PDIA5: variants seen among roughly 807,000 people sequenced by gnomAD.
The protein encoded by PDIA5 is protein disulfide-isomerase A5.
A neutral mutation model predicts 77.6 loss-of-function variants in PDIA5; 58 were observed. The observed-to-expected ratio is 0.75, with a 90% CI of 0.61 to 0.93. The LOEUF (loss-of-function observed/expected upper bound fraction) is 0.93, where lower values mean the gene tolerates loss of function less well. PDIA5 is among the 40% of genes least tolerant of loss of function. The pLI, the probability that PDIA5 is intolerant of heterozygous loss-of-function variation, is 0.00. For synonymous variants in PDIA5, 250 were observed against 252.1 expected (o/e 0.99, Z 0.08); for missense variants, 630 against 647.7 (o/e 0.97, Z 0.30).
At position 123,092,370 on chromosome 3, in the gene PDIA5, A is replaced by G. The variant is rs764524403; in HGVS notation, c.185A>G (p.Asn62Ser). The G allele has an allele frequency of 5.0e-6, 8 of 1,613,814 alleles. No homozygotes were observed. The South Asian group carries it at 8.8e-5, about 18-fold the overall frequency. ...TTTTTTACAGAGGTGGCAGCTGAAA[A>G]TCATCTCAGGTTACTGTCCACAGTG... is the stretch of plus-strand genomic sequence containing the variant. Reference protein sequence around the residue: ...LYSKSEVAAENHLRLLSTVAQ... With the variant: ...LYSKSEVAAESHLRLLSTVAQ... The change falls in exon 3 of 17, where the codon AAT becomes AGT. Residue 62 changes from asparagine (N) to serine (S), a missense_variant. Asn to Ser is a conservative substitution (Grantham distance 46). Transcript: ENST00000316218.
At chr3:123,086,585 G>C (rs1421268029) in intron 1 of PDIA5, among the ~76,000 whole-genome samples, 1 of 152,176 alleles carries the variant, frequency 6.6e-6, no homozygotes, top group African/African-American at 2.4e-5. Flanking sequence ...AATAAGCTAT[G>C]GTTGCCCCTT....
chr3:123,092,299 G>C, intron 2 of PDIA5, 56 bp from the exon 3 acceptor site: 4 of 1,406,640 alleles, frequency 2.8e-6, no homozygotes, highest in Non-Finnish European at 4.0e-6. Context: ...GAAGATAGCA[G>C]ACATGACCCA....
rs1489164428 is a variant in PDIA5 at position 123,145,573 on chromosome 3, C to T, written c.962C>T (p.Ala321Val). 1.2e-6 allele frequency: 2 copies of T among 1,613,368 alleles called. No individual in the cohort carries two copies. The highest frequency in any genetic ancestry group is 1.7e-6 in the Non-Finnish European group (2 of 1,179,430). Residue 321 changes from alanine to valine, a missense_variant, in exon 12 of 17, where the codon GCC (alanine) becomes GTC (valine). Ala to Val is a moderately conservative substitution (Grantham distance 64, BLOSUM62 0). Coordinates refer to ENST00000316218, the MANE Select transcript of PDIA5 (RefSeq NM_006810.4). ...MKPEFEKAAE[A>V]LHGEADSSGV... ...CCGGAGTTTGAGAAGGCAGCAGAAGCCCTCCATGGAGAAGCGGATGTAAGC... is the reference window on the plus strand; with the variant it reads ...CCGGAGTTTGAGAAGGCAGCAGAAGTCCTCCATGGAGAAGCGGATGTAAGC...
chr3:123,068,870 C>T (rs969176068), intron 1 of PDIA5, among the ~76,000 whole-genome samples: 33 of 152,268 alleles, frequency 2.2e-4, no homozygotes, highest in Middle Eastern at 3.4e-3. Flanking sequence ...TTCACTGAAC[C>T]GGAGCCATAC....
Position 123,145,748 on chromosome 3 carries a change from T to C in PDIA5, c.981+156T>C, listed in dbSNP as rs111893849. Reference sequence around the variant, plus strand: ...GCCCAAGTAGAACATCTTAGACAGATGGGATCCTAGAGGGGGCAGAAAGAC... The same window carrying C: ...GCCCAAGTAGAACATCTTAGACAGACGGGATCCTAGAGGGGGCAGAAAGAC... On this transcript the variant is annotated intron_variant, in intron 12 of 16. Coordinates refer to ENST00000316218, the MANE Select transcript of PDIA5 (RefSeq NM_006810.4). 4.9e-3 allele frequency among the ~76,000 whole-genome samples: 735 copies of C among 149,862 alleles called. 7 individuals carry two copies. Among genetic ancestry groups the C allele is most frequent in the African/African-American group, 0.017 (701 of 40,876 alleles).
chr3:123,135,745 C>CTTTTTTTTTTTTTT (rs766560888), intron 11 of PDIA5, among the ~76,000 whole-genome samples: 5 of 80,462 alleles, frequency 6.2e-5, no homozygotes, highest in Non-Finnish European at 8.8e-5. Flanking sequence ...GAGGTAACAA[C>CTTTTTTTTTTTTTT]TTTTTTTTTT....
intron 13 of PDIA5, among the ~76,000 whole-genome samples, chr3:123,148,339 A>G (rs1474482472): frequency 2.0e-5 from 3 of 152,134 alleles, no homozygotes; most frequent in South Asian, 2.1e-4. Context: ...AAGTAGAGGC[A>G]GGAGGATCTC....
At chr3:123,136,745 A>AG (rs1935513897) in intron 11 of PDIA5, among the ~76,000 whole-genome samples, 1 of 151,610 alleles carries the variant, frequency 6.6e-6, no homozygotes, top group Non-Finnish European at 1.5e-5. Context: ...AAAAAAAAAA[A>AG]AAAAGGGGGT....
intron 5 of PDIA5, among the ~76,000 whole-genome samples, chr3:123,106,259 G>A (rs1487600286): frequency 1.3e-5 from 2 of 152,180 alleles, no homozygotes; most frequent in Non-Finnish European, 2.9e-5. Flanking sequence ...TACCAAGCAG[G>A]TCATAAGTAG....
rs112436641 is a variant in PDIA5 at position 123,102,611 on chromosome 3, G to T, written c.341+117G>T. 4.0e-5 allele frequency: 42 copies of T among 1,053,368 alleles called. No homozygotes were observed. In the African/African-American group the frequency reaches 4.3e-4, roughly 11 times the overall value. The allele number at this position is 1,053,368 out of a possible 1,614,324, so 65.3% of individuals were successfully genotyped here. On this transcript the variant is annotated intron_variant, in intron 4 of 16. Transcript: ENST00000316218. ...TTTATTTCAGAATGGTTTTCTTCCT[G>T]TGTTTACAATTATTTCTTTTAAAAA...
intron 8 of PDIA5, among the ~76,000 whole-genome samples, chr3:123,119,541 T>C (rs2107951652): frequency 6.6e-6 from 1 of 152,286 alleles, no homozygotes; most frequent in South Asian, 2.1e-4. Context: ...CCCAGCTACA[T>C]AAAGAGGGAA....
At chr3:123,073,032 C>T (rs549587732) in intron 1 of PDIA5, among the ~76,000 whole-genome samples, 1 of 152,270 alleles carries the variant, frequency 6.6e-6, no homozygotes, top group Non-Finnish European at 1.5e-5. Context: ...TGGGCTGGCC[C>T]ATTCCTTCTG....
rs899296312 is a variant in PDIA5, at chr3:123,124,143, C to A, written c.687C>A (p.Thr229=). 2.5e-6 allele frequency: 4 copies of A among 1,613,222 alleles called. No individual in the cohort carries two copies. Among genetic ancestry groups the A allele is most frequent in the African/African-American group, 2.7e-5 (2 of 74,884 alleles). The part of the protein sequence containing the change: ...KEEYSVRGFP[T]ICYFEKGRFL... Reference sequence around the variant, plus strand: ...AGTACAGCGTGCGCGGCTTCCCCACCATCTGCTATTTTGAGTACGTCCCCC... The same window carrying A: ...AGTACAGCGTGCGCGGCTTCCCCACAATCTGCTATTTTGAGTACGTCCCCC... The change falls in exon 9 of 17, where the codon ACC becomes ACA. Residue 229 remains threonine, a synonymous_variant. Transcript: ENST00000316218.
chr3:123,140,563 G>A (rs1312603674), intron 11 of PDIA5, among the ~76,000 whole-genome samples: 3 of 152,116 alleles, frequency 2.0e-5, no homozygotes, highest in African/African-American at 7.2e-5. Context: ...AACAAAGGTA[G>A]GATTGCGAGG....
intron 11 of PDIA5, among the ~76,000 whole-genome samples, chr3:123,134,252 C>T (rs1204772548): frequency 6.6e-6 from 1 of 152,104 alleles, no homozygotes; most frequent in African/African-American, 2.4e-5. Context: ...TGCTTTGTTG[C>T]TTCTATGCCT....
chr3:123,161,529 C>T, intron 16 of PDIA5, 74 bp downstream of exon 16: 1 of 1,461,858 alleles, frequency 6.8e-7, no homozygotes, highest in Non-Finnish European at 9.3e-7. Flanking sequence ...TGAGGAGGGG[C>T]AGCACTGGGC....
At chr3:123,069,068 C>T (rs1231982087) in intron 1 of PDIA5, among the ~76,000 whole-genome samples, 1 of 152,206 alleles carries the variant, frequency 6.6e-6, no homozygotes, top group African/African-American at 2.4e-5. Context: ...TTTCTATCTT[C>T]TCCTTTCCCT....
At chr3:123,107,868 C>A (rs577726226) in intron 6 of PDIA5, among the ~76,000 whole-genome samples, 42 of 151,988 alleles carry the variant, frequency 2.8e-4, no homozygotes, top group Admixed American at 7.9e-4. Flanking sequence ...GTGTTGTGAT[C>A]ATAGCTCACT....
At chr3:123,154,077 G>T (rs188949100) in intron 14 of PDIA5, among the ~76,000 whole-genome samples, 125 of 152,276 alleles carry the variant, frequency 8.2e-4, no homozygotes, top group Non-Finnish European at 4.1e-4. Flanking sequence ...GGGAAGGGCT[G>T]GATCAGCCTG....
Sources: allele counts gnomAD v4.1 joint callset (sites outside exome capture counted in the v4.1 genomes callset), GRCh38; gene constraint gnomAD v4.1.1; transcripts MANE v1.5; gene names NCBI Gene and HGNC (gene_info 2026-07-23, HGNC 2026-07-21).